Variants in GABRA1 observed in about 807,000 individuals in gnomAD.
GABRA1 encodes gamma-aminobutyric acid receptor subunit alpha-1.
Under a neutral mutation model 48.9 loss-of-function variants are expected in GABRA1, and 9 were observed. The observed-to-expected ratio is 0.18, with a 90% CI of 0.11 to 0.32. The LOEUF (loss-of-function observed/expected upper bound fraction) is 0.32, where lower values mean the gene tolerates loss of function less well. GABRA1 is among the 10% of genes least tolerant of loss of function. The probability of loss-of-function intolerance (pLI) is 1.00; values close to 1 mark genes in which losing one functional copy is unlikely to be tolerated. For synonymous variants in GABRA1, 210 were observed against 198.7 expected (o/e 1.06, Z -0.48); for missense variants, 285 against 553.8 (o/e 0.51, Z 4.87).
chr5:161,853,431 T>C (rs1459891871), intron 2 of GABRA1, among the ~76,000 whole-genome samples: 1 of 151,892 alleles, frequency 6.6e-6, no homozygotes, highest in Non-Finnish European at 1.5e-5. Flanking sequence ...TGTGCCTTCT[T>C]AAACAAAACA....
chr5:161,853,263 G>A (rs748622792), intron 2 of GABRA1, among the ~76,000 whole-genome samples: 8 of 151,602 alleles, frequency 5.3e-5, no homozygotes, highest in East Asian at 1.9e-4. Context: ...CTATGTGGTC[G>A]AAACACAAAG....
Position 161,897,448 on chromosome 5 carries a change from A to T in GABRA1, c.*26A>T. The T allele has an allele frequency of 1.9e-6, 3 of 1,583,552 alleles. No homozygotes were observed. The South Asian group carries it at 3.3e-5, about 17-fold the overall frequency. ...ATCTTTTACTCACATTCTGTTGTTC[A>T]GTCCTCTGCACTGGGAATTTATTTA... On this transcript the variant is annotated 3_prime_UTR_variant, in exon 10 of 10. Coordinates refer to ENST00000393943, the MANE Select transcript of GABRA1 (RefSeq NM_001127644.2).
chr5:161,875,782 G>A (rs1754323182), intron 6 of GABRA1, 140 bp downstream of exon 6: 1 of 709,840 alleles, frequency 1.4e-6, no homozygotes, highest in Non-Finnish European at 2.6e-6. Context: ...TCCATAAGTA[G>A]TGCTCTGTGA....
At chr5:161,880,598 A>C (rs1023475073) in intron 6 of GABRA1, among the ~76,000 whole-genome samples, 2 of 152,204 alleles carry the variant, frequency 1.3e-5, no homozygotes, top group Non-Finnish European at 2.9e-5. Flanking sequence ...TTTTTAGTTC[A>C]TTCTCTTAAA....
chr5:161,895,894 T>C (rs755817936), intron 9 of GABRA1, 26 bp downstream of exon 9: 62 of 1,561,784 alleles, frequency 4.0e-5, no homozygotes, highest in Non-Finnish European at 5.2e-5. Context: ...GTCACTGTAG[T>C]ACATCAATAT....
chr5:161,893,553 T>C (rs1755221238), intron 8 of GABRA1, among the ~76,000 whole-genome samples: 1 of 152,166 alleles, frequency 6.6e-6, no homozygotes, highest in African/African-American at 2.4e-5. Flanking sequence ...TTTATAACCA[T>C]TTATTAAAAG....
rs981857793 is a variant in GABRA1 at position 161,899,595 on chromosome 5, A to G, written c.*2173A>G. 1 of 152,128 alleles carries G rather than the reference A, an allele frequency of 6.6e-6. No individual in the cohort carries two copies. Among genetic ancestry groups the G allele is most frequent in the East Asian group, 1.9e-4 (1 of 5,190 alleles). 9.4% of individuals were successfully genotyped at this position (152,128 alleles called of 1,614,324 possible). Reference sequence around the variant, plus strand: ...CATTTCTATCATTTCTCAGTTTGTTAGTATATGTGGATAGTATTCTACTGT... The same window carrying G: ...CATTTCTATCATTTCTCAGTTTGTTGGTATATGTGGATAGTATTCTACTGT... On this transcript the variant is annotated 3_prime_UTR_variant, in exon 10 of 10. Coordinates refer to ENST00000393943, the MANE Select transcript of GABRA1 (RefSeq NM_001127644.2).
intron 4 of GABRA1, among the ~76,000 whole-genome samples, chr5:161,868,070 G>C (rs1753949653): frequency 6.6e-6 from 1 of 151,716 alleles, no homozygotes; most frequent in Non-Finnish European, 1.5e-5. Context: ...AGGTCTTGTG[G>C]GACCTAATAA....
intron 1 of GABRA1, chr5:161,849,058 G>T (rs1322269585): frequency 4.5e-6 from 2 of 440,024 alleles, no homozygotes; most frequent in Non-Finnish European, 4.6e-6. Flanking sequence ...GCGTGTGTCT[G>T]GGGGAGGGGG....
intron 8 of GABRA1, among the ~76,000 whole-genome samples, chr5:161,893,009 A>AACTAAT (rs3078111): frequency 8.2e-6 from 1 of 122,432 alleles, no homozygotes; most frequent in African/African-American, 3.5e-5. Context: ...CTTCTCAAAA[A>AACTAAT]AATAATAATA....
intron 6 of GABRA1, chr5:161,881,750 A>C (rs1754621769): frequency 6.6e-6 from 1 of 152,096 alleles, no homozygotes; most frequent in Non-Finnish European, 1.5e-5. Context: ...GTCTTCCTCA[A>C]ACTAGTCAAG....
chr5:161,879,867 A>C (rs1754535511), intron 6 of GABRA1, among the ~76,000 whole-genome samples: 1 of 152,190 alleles, frequency 6.6e-6, no homozygotes, highest in Non-Finnish European at 1.5e-5. Flanking sequence ...CCCCCTCTAC[A>C]ACTATATTAG....
intron 6 of GABRA1, among the ~76,000 whole-genome samples, chr5:161,880,528 A>G (rs1754567940): frequency 6.6e-6 from 1 of 152,198 alleles, no homozygotes; most frequent in Non-Finnish European, 1.5e-5. Flanking sequence ...AAAAAGGAAA[A>G]ACAAAGATAA....
chr5:161,882,686 G>A lies in GABRA1; in HGVS notation c.688G>A (p.Val230Ile). Residue 230 changes from valine to isoleucine, a missense_variant, in exon 7 of 10, where the codon GTC becomes ATC. Val to Ile is a conservative substitution (Grantham distance 29). Transcript: ENST00000393943. ...LLGQTVDSGI[V>I]QSSTGEYVVM... Reference sequence around the variant, plus strand: ...TGGACAAACAGTAGACTCTGGAATTGTCCAGTCAAGTACAGGTAAGTACGA... The same window carrying A: ...TGGACAAACAGTAGACTCTGGAATTATCCAGTCAAGTACAGGTAAGTACGA... 6.8e-6 allele frequency: 11 copies of A among 1,613,482 alleles called. No homozygotes were observed. The highest frequency in any genetic ancestry group is 9.3e-6 in the Non-Finnish European group (11 of 1,179,646).
At position 161,893,048 on chromosome 5, in the gene GABRA1, T is replaced by TAATAATAATAAAAAA. The variant is rs5872733; in HGVS notation, c.856+2000_856+2001insTAATAATAAAAAAAA. 8.8e-3 allele frequency among the ~76,000 whole-genome samples: 1,244 copies of TAATAATAATAAAAAA among 141,940 alleles called. 14 individuals are homozygous for TAATAATAATAAAAAA. Among genetic ancestry groups the TAATAATAATAAAAAA allele is most frequent in the Middle Eastern group, 0.014 (4 of 276 alleles). The allele number at this position is 141,940 out of a possible 152,430, so 93.1% of individuals were successfully genotyped here. On this transcript the variant is annotated intron_variant, in intron 8 of 9. Transcript: ENST00000393943. ...ATAATAATAATAATAATAATAATAA[T>TAATAATAATAAAAAA]AAAATAAACACAGGACATATTTATG...
chr5:161,867,802 T>C (rs1753938374), intron 4 of GABRA1, among the ~76,000 whole-genome samples: 1 of 152,248 alleles, frequency 6.6e-6, no homozygotes, highest in East Asian at 1.9e-4. Flanking sequence ...AAATTGACTT[T>C]CCGTTTTTGT....
intron 2 of GABRA1, among the ~76,000 whole-genome samples, chr5:161,851,395 G>A (rs1438049038): frequency 2.0e-5 from 3 of 151,674 alleles, no homozygotes; most frequent in Non-Finnish European, 4.4e-5. Context: ...TAATAAAAGT[G>A]GACTATATGA....
intron 7 of GABRA1, among the ~76,000 whole-genome samples, chr5:161,890,107 G>GC (rs1755023730): frequency 6.6e-6 from 1 of 152,004 alleles, no homozygotes; most frequent in African/African-American, 2.4e-5. Context: ...TTTGGGTTGT[G>GC]TGTCTACTGC....
intron 4 of GABRA1, among the ~76,000 whole-genome samples, chr5:161,869,040 A>C (rs1161581371): frequency 6.6e-6 from 1 of 152,188 alleles, no homozygotes; most frequent in Non-Finnish European, 1.5e-5. Flanking sequence ...TAGCTGGTAG[A>C]AATTGTATCT....
Sources: allele counts gnomAD v4.1 joint callset (sites outside exome capture counted in the v4.1 genomes callset), GRCh38; gene constraint gnomAD v4.1.1; transcripts MANE v1.5; gene names NCBI Gene and HGNC (gene_info 2026-07-23, HGNC 2026-07-21).